Variants in PXDN observed in about 807,000 individuals in gnomAD.
PXDN encodes peroxidasin.
PXDN carries 77 observed loss-of-function variants against 140.3 expected under a neutral mutation model. The observed-to-expected ratio is 0.55, with a 90% CI of 0.46 to 0.66. The LOEUF is 0.66. Ranked by LOEUF, PXDN falls within the 30% of genes least tolerant of loss-of-function variation. The probability of loss-of-function intolerance (pLI) is 0.00; values close to 1 mark genes in which losing one functional copy is unlikely to be tolerated. For missense variants in PXDN, 1,838 were observed against 2,039.5 expected (o/e 0.90, Z 1.90); for synonymous variants, 911 against 857.4 (o/e 1.06, Z -1.09).
intron 1 of PXDN, among the ~76,000 whole-genome samples, chr2:1,698,630 G>A (rs537766901): frequency 2.0e-5 from 3 of 152,178 alleles, no homozygotes; most frequent in South Asian, 2.1e-4. Context: ...AATTAGAGTC[G>A]GCCCAGGGCT....
Position 1,684,091 on chromosome 2 carries a change from C to T in PXDN, c.477G>A (p.Lys159=), listed in dbSNP as rs1395833489. 1.3e-6 allele frequency: 2 copies of T among 1,583,648 alleles called. No individual in the cohort carries two copies. The highest frequency in any genetic ancestry group is 1.3e-5 in the African/African-American group (1 of 74,390). The stretch of plus-strand genomic sequence containing the variant: ...AACACACAACTCACAGCCTCTCGAG[C>T]TTCGGGAGATGCTGGAACGAATCTG... ...LDPDSFQHLP[K]LERLFLHNNR... The change falls in exon 5 of 23, where the codon AAG becomes AAA. Residue 159 remains lysine, a synonymous_variant. Coordinates refer to ENST00000252804, the MANE Select transcript of PXDN (RefSeq NM_012293.3).
At chr2:1,680,107 T>G (rs755645621) in intron 7 of PXDN, 86 bp downstream of exon 7, 23 of 1,085,342 alleles carry the variant, frequency 2.1e-5, no homozygotes, top group Middle Eastern at 3.1e-4. Context: ...TGTGTGGATG[T>G]TGTGTGTGTA....
intron 1 of PXDN, among the ~76,000 whole-genome samples, chr2:1,728,371 G>C (rs74453958): frequency 0.052 from 7,923 of 152,338 alleles, 402 homozygotes; most frequent in East Asian, 0.29. Context: ...CTCTCTCTAG[G>C]AGCTACCAGC....
At position 1,632,927 on chromosome 2, in the gene PXDN, C is replaced by T. The variant is rs556060832; in HGVS notation, c.*1277G>A. On this transcript the variant is annotated 3_prime_UTR_variant, in exon 23 of 23. Transcript: ENST00000252804. This position sits in a 1 kb window ranked among gnomAD's most constrained non-coding sequence, Gnocchi z 4.3. ...TGGATACTCAGGTCAGCGTGCTGCA[C>T]TGAAGCTGTGTGTTCGGGGAAAGGT... 3.3e-5 allele frequency: 5 copies of T among 152,728 alleles called. No individual in the cohort carries two copies. The highest frequency in any genetic ancestry group is 6.5e-5 in the Admixed American group (1 of 15,294). 9.5% of individuals were successfully genotyped at this position (152,728 alleles called of 1,614,324 possible). A position where few individuals can be genotyped will look rare whatever the true frequency, so the allele number is the denominator to read the frequency against.
At chr2:1,688,536 C>T (rs866156309) in intron 3 of PXDN, among the ~76,000 whole-genome samples, 21 of 152,296 alleles carry the variant, frequency 1.4e-4, no homozygotes, top group Admixed American at 6.5e-5. Flanking sequence ...TGTGCCCACC[C>T]ATCTCGGACA....
intron 1 of PXDN, among the ~76,000 whole-genome samples, chr2:1,727,939 TG>T (rs1685226921): frequency 6.6e-6 from 1 of 152,222 alleles, no homozygotes; most frequent in Admixed American, 6.5e-5. Context: ...TTCCTTCTTT[TG>T]TTCTCTCTTC....
At chr2:1,638,815 G>GT in intron 21 of PXDN, 31 bp downstream of exon 21, 1 of 1,613,710 alleles carries the variant, frequency 6.2e-7, no homozygotes, top group Non-Finnish European at 8.5e-7. Flanking sequence ...GAATCTTGGA[G>GT]TGGGGGGACA....
chr2:1,666,390 C>T lies in PXDN; in HGVS notation c.1115G>A (p.Arg372Gln), dbSNP rs201209902. 1.0e-4 allele frequency: 164 copies of T among 1,613,092 alleles called. No individual in the cohort carries two copies. The highest frequency in any genetic ancestry group is 3.5e-4 in the Middle Eastern group (2 of 5,742). ...GCGGTCACCTCTCGTCCAGGAGATC[C>T]GCGGCGGGGGGTGGCCTGTGGCGCT... ...ECSATGHPPPRISWTRGDRTP... is the reference protein window; with the variant it reads ...ECSATGHPPPQISWTRGDRTP... The change falls in exon 10 of 23, where the codon CGG (arginine) becomes CAG (glutamine). Residue 372 changes from arginine (R) to glutamine (Q), a missense_variant. Coordinates refer to ENST00000252804, the MANE Select transcript of PXDN (RefSeq NM_012293.3).
intron 19 of PXDN, among the ~76,000 whole-genome samples, chr2:1,642,279 G>A (rs905074887): frequency 6.6e-6 from 1 of 152,052 alleles, no homozygotes; most frequent in Non-Finnish European, 1.5e-5. Context: ...ACAGAGGCAC[G>A]CACTCTCTTA....
intron 19 of PXDN, among the ~76,000 whole-genome samples, chr2:1,642,437 T>C (rs1334806976): frequency 6.6e-6 from 1 of 152,228 alleles, no homozygotes; most frequent in Non-Finnish European, 1.5e-5. Flanking sequence ...TGTCTCTTCT[T>C]AAACTACCAA....
rs765244831 is a variant in PXDN, at chr2:1,648,577, G to A, written c.3203C>T (p.Ala1068Val). ...AAGCGTGTGGCCAAACCTGAAGGCCGCGGTGGCGAAGGCGTTGAAGATGCC... is the reference window on the plus strand; with the variant it reads ...AAGCGTGTGGCCAAACCTGAAGGCCACGGTGGCGAAGGCGTTGAAGATGCC... ...NAGIFNAFAT[A>V]AFRFGHTLVN... is the part of the protein sequence containing the mutation. Residue 1068 changes from alanine (A) to valine (V), a missense_variant, in exon 17 of 23, where the codon GCG becomes GTG. By Grantham distance (64) the Ala-to-Val change is moderately conservative. Around this residue, in one of 5 missense-constraint regions of PXDN, gnomAD observed 850 missense variants for 894.1 expected, o/e 0.95. Transcript: ENST00000252804. The surrounding 1 kb of genome is among the most constrained non-coding windows in gnomAD (Gnocchi z 8.9). The A allele has an allele frequency of 3.1e-5, 50 of 1,613,682 alleles. No individual in the cohort carries two copies. The highest frequency in any genetic ancestry group is 1.6e-4 in the Middle Eastern group (1 of 6,082).
Position 1,685,149 on chromosome 2 carries a change from A to G in PXDN, c.417-998T>C, listed in dbSNP as rs1438623804. Among the ~76,000 whole-genome samples the G allele has an allele frequency of 6.6e-6, 1 of 152,194 alleles. No individual in the cohort carries two copies. The highest frequency in any genetic ancestry group is 1.5e-5 in the Non-Finnish European group (1 of 68,034). On this transcript the variant is annotated intron_variant, in intron 4 of 22. Transcript: ENST00000252804. The surrounding 1 kb of genome is among the most constrained non-coding windows in gnomAD (Gnocchi z 5.1). ...CCAGGGCCCGCCCCGTCCCGGGGCCAGCTCCCCAGGCAGCACCCACACAGG... is the reference window on the plus strand; with the variant it reads ...CCAGGGCCCGCCCCGTCCCGGGGCCGGCTCCCCAGGCAGCACCCACACAGG...
intron 8 of PXDN, among the ~76,000 whole-genome samples, chr2:1,675,033 A>C (rs1031168468): frequency 6.8e-5 from 10 of 147,710 alleles, no homozygotes; most frequent in Non-Finnish European, 1.3e-4. Context: ...ACCTTCTCCC[A>C]AATCTTCCTC....
intron 1 of PXDN, among the ~76,000 whole-genome samples, chr2:1,737,684 G>C (rs377433847): frequency 6.6e-6 from 1 of 151,924 alleles, no homozygotes; most frequent in East Asian, 1.9e-4. Flanking sequence ...AACTACAGGC[G>C]TGAGCCACCA....
In PXDN at chr2:1,654,464, T is replaced by A; in HGVS notation, c.1882A>T (p.Ile628Phe). The A allele has an allele frequency of 6.2e-7, 1 of 1,613,518 alleles. No homozygotes were observed. The highest frequency in any genetic ancestry group is 8.5e-7 in the Non-Finnish European group (1 of 1,179,444). Reference protein sequence around the residue: ...RNGDPFVATSIVEAIATVDRA... With the variant: ...RNGDPFVATSFVEAIATVDRA... ...TCAACAGTCGCAATCGCTTCCACGATGGAGGTAGCTACAAACGGATCTCCA... is the reference window on the plus strand; with the variant it reads ...TCAACAGTCGCAATCGCTTCCACGAAGGAGGTAGCTACAAACGGATCTCCA... The change falls in exon 15 of 23, where the codon ATC becomes TTC. Residue 628 changes from isoleucine to phenylalanine, a missense_variant. By Grantham distance (21) the Ile-to-Phe change is conservative. Transcript: ENST00000252804.
intron 1 of PXDN, among the ~76,000 whole-genome samples, chr2:1,719,262 CA>C (rs937266110): frequency 1.3e-5 from 2 of 152,170 alleles, no homozygotes; most frequent in African/African-American, 4.8e-5. Context: ...CACAGCCTGG[CA>C]ATCCCCTAAG....
In PXDN at chr2:1,648,764, T is replaced by G. The variant is rs1682923938; in HGVS notation, c.3016A>C (p.Asn1006His). Residue 1006 changes from asparagine to histidine, a missense_variant, in exon 17 of 23, where the codon AAC (asparagine) becomes CAC (histidine). Asn to His is a moderately conservative substitution (Grantham distance 68). Coordinates refer to ENST00000252804, the MANE Select transcript of PXDN (RefSeq NM_012293.3). The surrounding 1 kb of genome is among the most constrained non-coding windows in gnomAD (Gnocchi z 8.9). ...NRIATELLKL[N>H]PHWDGDTIYY... Reference sequence around the variant, plus strand: ...ATGGTGTCGCCGTCCCAGTGCGGGTTCAGCTTGAGCAGCTCCGTGGCAATG... The same window carrying G: ...ATGGTGTCGCCGTCCCAGTGCGGGTGCAGCTTGAGCAGCTCCGTGGCAATG... 2 of 1,604,604 alleles carry G rather than the reference T, an allele frequency of 1.2e-6. No homozygotes were observed. Among genetic ancestry groups the G allele is most frequent in the Non-Finnish European group, 1.7e-6 (2 of 1,176,204 alleles).
chr2:1,634,101 C>G lies in PXDN; in HGVS notation c.*103G>C. 6.8e-7 allele frequency: 1 copy of G among 1,471,216 alleles called. No individual in the cohort carries two copies. The highest frequency in any genetic ancestry group is 2.5e-5 in the East Asian group (1 of 39,766). 91.1% of individuals were successfully genotyped at this position (1,471,216 alleles called of 1,614,324 possible). ...AGCTGGACGTTGTCATGAAATGTCA[C>G]GAGTTCTGGGTGTTTCCTGGTCTGC... is the stretch of plus-strand genomic sequence containing the variant. On this transcript the variant is annotated 3_prime_UTR_variant, in exon 23 of 23. Coordinates refer to ENST00000252804, the MANE Select transcript of PXDN (RefSeq NM_012293.3).
chr2:1,641,117 T>C (rs1198552166), intron 19 of PXDN, among the ~76,000 whole-genome samples: 1 of 152,224 alleles, frequency 6.6e-6, no homozygotes, highest in Non-Finnish European at 1.5e-5. Context: ...TGATGAAAAG[T>C]TGTAGCTCAA....
Sources: allele counts gnomAD v4.1 joint callset (sites outside exome capture counted in the v4.1 genomes callset), GRCh38; gene constraint gnomAD v4.1.1; regional missense constraint gnomAD v4.1.1; non-coding constraint Gnocchi (gnomAD v3.1); transcripts MANE v1.5; gene names NCBI Gene and HGNC (gene_info 2026-07-23, HGNC 2026-07-21).